BBX: variants seen among roughly 807,000 people sequenced by gnomAD.
The protein encoded by BBX is HMG box transcription factor BBX.
A neutral mutation model predicts 100.2 loss-of-function variants in BBX; 30 were observed. The observed-to-expected ratio is 0.30, with a 90% CI of 0.22 to 0.41. The LOEUF (loss-of-function observed/expected upper bound fraction) is 0.41. Among genes scored for constraint, BBX ranks in the 10% least tolerant of loss-of-function variants. The pLI, the probability that BBX is intolerant of heterozygous loss-of-function variation, is 1.00. For synonymous variants in BBX, 376 were observed against 388.1 expected (o/e 0.97, Z 0.37); for missense variants, 1,023 against 1,129.8 (o/e 0.91, Z 1.35).
intron 3 of BBX, among the ~76,000 whole-genome samples, chr3:107,698,891 T>C (rs757207282): frequency 2.7e-4 from 41 of 151,894 alleles, no homozygotes; most frequent in Admixed American, 5.9e-4. Context: ...ATTTGAGTAA[T>C]TGTTAGGAAT....
intron 2 of BBX, among the ~76,000 whole-genome samples, chr3:107,555,276 G>A (rs931495230): frequency 3.9e-5 from 6 of 152,116 alleles, no homozygotes; most frequent in Non-Finnish European, 7.4e-5. Context: ...ATATAGAACA[G>A]TTGGAATACG....
At chr3:107,798,451 T>A in intron 15 of BBX, 72 bp from the exon 16 acceptor site, 2 of 1,398,954 alleles carry the variant, frequency 1.4e-6, no homozygotes, top group Admixed American at 3.4e-5. Context: ...AATTTAGACA[T>A]GTTTCCTTCT....
At chr3:107,620,663 A>G (rs1166690374) in intron 2 of BBX, among the ~76,000 whole-genome samples, 10 of 152,308 alleles carry the variant, frequency 6.6e-5, no homozygotes, top group Non-Finnish European at 1.2e-4. Flanking sequence ...GCAGGGGCAC[A>G]GTCTACCTTT....
At chr3:107,804,254 A>G (rs757469031) in intron 17 of BBX, among the ~76,000 whole-genome samples, 51 of 152,208 alleles carry the variant, frequency 3.4e-4, no homozygotes, top group Non-Finnish European at 1.0e-4. Flanking sequence ...AAACTTGAGT[A>G]TAGTTATAGA....
chr3:107,747,219 T>C (rs2064690790), intron 8 of BBX, among the ~76,000 whole-genome samples: 1 of 151,456 alleles, frequency 6.6e-6, no homozygotes, highest in South Asian at 2.1e-4. Flanking sequence ...TGTCACACAC[T>C]AACGTGTGAG....
intron 7 of BBX, among the ~76,000 whole-genome samples, chr3:107,737,127 GATTA>G (rs1376611886): frequency 1.3e-5 from 2 of 152,044 alleles, no homozygotes; most frequent in Non-Finnish European, 2.9e-5. Context: ...CTACAGTGAA[GATTA>G]ATTAAATAAA....
chr3:107,631,779 T>C (rs575240387), intron 2 of BBX, among the ~76,000 whole-genome samples: 3 of 152,338 alleles, frequency 2.0e-5, no homozygotes, highest in African/African-American at 7.2e-5. Context: ...GTTGATACTT[T>C]TCTGCCTTGT....
At chr3:107,733,620 G>GC (rs1560062554) in intron 7 of BBX, among the ~76,000 whole-genome samples, 2 of 152,056 alleles carry the variant, frequency 1.3e-5, no homozygotes, top group African/African-American at 4.8e-5. Context: ...TGGACTACAG[G>GC]CATGTGCCCC....
At chr3:107,620,312 T>TA (rs1469084425) in intron 2 of BBX, among the ~76,000 whole-genome samples, 1 of 152,230 alleles carries the variant, frequency 6.6e-6, no homozygotes, top group Non-Finnish European at 1.5e-5. Flanking sequence ...GGTTGCTTAT[T>TA]AAAACATTTT....
intron 3 of BBX, among the ~76,000 whole-genome samples, chr3:107,667,779 A>C (rs1262558595): frequency 3.3e-5 from 5 of 152,052 alleles, no homozygotes; most frequent in Non-Finnish European, 7.4e-5. Context: ...CTAAAAATAG[A>C]TTTATCTATA....
At chr3:107,718,702 G>A (rs1381292909) in intron 5 of BBX, among the ~76,000 whole-genome samples, 1 of 152,044 alleles carries the variant, frequency 6.6e-6, no homozygotes, top group Non-Finnish European at 1.5e-5. Flanking sequence ...AGAAAAGGAA[G>A]TATTAGTTTC....
intron 2 of BBX, among the ~76,000 whole-genome samples, chr3:107,626,746 C>T (rs1472555243): frequency 6.6e-6 from 1 of 151,152 alleles, no homozygotes; most frequent in African/African-American, 2.4e-5. Context: ...CCTCTACCTC[C>T]TGGGTTCAAG....
intron 3 of BBX, among the ~76,000 whole-genome samples, chr3:107,676,182 A>C (rs775292234): frequency 2.6e-5 from 4 of 152,188 alleles, no homozygotes; most frequent in Non-Finnish European, 5.9e-5. Flanking sequence ...TGAGTCTATA[A>C]CTAAGGTAAT....
chr3:107,774,585 A>T (rs756472143), intron 11 of BBX, 134 bp from the exon 12 acceptor site: 8 of 915,310 alleles, frequency 8.7e-6, no homozygotes, highest in Non-Finnish European at 1.3e-5. Flanking sequence ...TCACTCTGAG[A>T]ACTCTGAAAT....
intron 15 of BBX, among the ~76,000 whole-genome samples, chr3:107,793,664 A>C (rs2069293062): frequency 6.6e-6 from 1 of 152,214 alleles, no homozygotes; most frequent in Admixed American, 6.5e-5. Flanking sequence ...AGAATAATTT[A>C]AACATGTCTA....
At chr3:107,536,798 G>C (rs981078949) in intron 2 of BBX, among the ~76,000 whole-genome samples, 3 of 152,206 alleles carry the variant, frequency 2.0e-5, no homozygotes, top group Admixed American at 6.5e-5. Context: ...GATGAATATG[G>C]AACAACCCTT....
rs375551532 is a variant in BBX, at chr3:107,794,515, C to T, written c.2353+3216C>T. Among the ~76,000 whole-genome samples the T allele has an allele frequency of 2.0e-5, 3 of 152,018 alleles. 1 individual carries two copies. The South Asian group carries it at 6.2e-4, about 31-fold the overall frequency. On this transcript the variant is annotated intron_variant, in intron 15 of 17. Transcript: ENST00000325805. ...TCTTTGCAGTGTATAAATCTAATTA[C>T]AGGCAGGAAAATTCTGGTTTATAGT...
intron 2 of BBX, among the ~76,000 whole-genome samples, chr3:107,615,626 T>C (rs1037602095): frequency 2.0e-5 from 3 of 152,078 alleles, no homozygotes; most frequent in African/African-American, 7.2e-5. Flanking sequence ...CCTGGCAATT[T>C]TGAAGGAACA....
chr3:107,628,828 G>A (rs1386175987), intron 2 of BBX, among the ~76,000 whole-genome samples: 1 of 151,982 alleles, frequency 6.6e-6, no homozygotes, highest in African/African-American at 2.4e-5. Flanking sequence ...AAAATAAAAT[G>A]GGAACTTATA....
Sources: allele counts gnomAD v4.1 joint callset (sites outside exome capture counted in the v4.1 genomes callset), GRCh38; gene constraint gnomAD v4.1.1; transcripts MANE v1.5; gene names NCBI Gene and HGNC (gene_info 2026-07-23, HGNC 2026-07-21).